Variants in MRPL44 observed in about 807,000 individuals in gnomAD.
The protein encoded by MRPL44 is large ribosomal subunit protein mL44.
In MRPL44, 21 loss-of-function variants were observed where a neutral mutation model predicts 25.9. The observed-to-expected ratio is 0.81, with a 90% CI of 0.58 to 1.17. The LOEUF is 1.17. Among genes scored for constraint, MRPL44 ranks in the 50% most tolerant of loss-of-function variants. MRPL44 has a pLI of 0.00. For missense variants in MRPL44, 410 were observed against 398.9 expected, an observed-to-expected ratio of 1.03 and a Z score of -0.24; for synonymous variants, 169 against 151.0, an observed-to-expected ratio of 1.12 and a Z score of -0.87.
At chr2:223,962,557 A>G (rs921138038) in intron 2 of MRPL44, among the ~76,000 whole-genome samples, 9 of 152,224 alleles carry the variant, frequency 5.9e-5, no homozygotes, top group Non-Finnish European at 1.3e-4. Flanking sequence ...CATAGTTTCT[A>G]TACAACATAA....
intron 2 of MRPL44, among the ~76,000 whole-genome samples, chr2:223,961,649 G>A (rs984937964): frequency 2.6e-5 from 4 of 152,168 alleles, no homozygotes; most frequent in African/African-American, 9.7e-5. Context: ...AGCGACAGCT[G>A]GAGTTGTTCT....
At chr2:223,966,407 AAT>A (rs1361001695) in intron 3 of MRPL44, among the ~76,000 whole-genome samples, 19 of 152,182 alleles carry the variant, frequency 1.2e-4, no homozygotes, top group Non-Finnish European at 2.4e-4. Context: ...TAAAAATAAA[AAT>A]AGTCATAATT....
At chr2:223,959,221 T>C (rs1477256497) in intron 1 of MRPL44, among the ~76,000 whole-genome samples, 1 of 152,206 alleles carries the variant, frequency 6.6e-6, no homozygotes, top group Non-Finnish European at 1.5e-5. Context: ...CATAGTATCA[T>C]GGTTAGAGCA....
At position 223,963,758 on chromosome 2, in the gene MRPL44, C is replaced by A; in HGVS notation, c.651C>A (p.Asp217Glu). 1.3e-6 allele frequency: 2 copies of A among 1,578,976 alleles called. No homozygotes were observed. The highest frequency in any genetic ancestry group is 1.7e-6 in the Non-Finnish European group (2 of 1,163,824). ...GPERTALFIR[D>E]FLITQMTGKE... ...ATAAATTATATTTTTATATGCAGGA[C>A]TTCTTAATTACTCAAATGACTGGAA... is the stretch of plus-strand genomic sequence containing the variant. Residue 217 changes from aspartate (D) to glutamate (E), a missense_variant and splice_region_variant, in exon 3 of 4, where the codon GAC becomes GAA. Transcript: ENST00000258383.
rs1689754263 is a variant in MRPL44 at position 223,967,100 on chromosome 2, G to A, written c.*66G>A. On this transcript the variant is annotated 3_prime_UTR_variant, in exon 4 of 4. Coordinates refer to ENST00000258383, the MANE Select transcript of MRPL44 (RefSeq NM_022915.5). ...GAGATAAATGTCAAAGGTGTTTCAA[G>A]CCAGACATTTTCACAATTGTGAAGA... 1 of 1,412,716 alleles carries A rather than the reference G, an allele frequency of 7.1e-7. No homozygotes were observed. Among genetic ancestry groups the A allele is most frequent in the Non-Finnish European group, 9.5e-7 (1 of 1,050,898 alleles). The allele number at this position is 1,412,716 out of a possible 1,614,324, so 87.5% of individuals were successfully genotyped here.
chr2:223,952,798 G>A (rs923038180), upstream of MRPL44, among the ~76,000 whole-genome samples: 21 of 152,108 alleles, frequency 1.4e-4, no homozygotes, highest in African/African-American at 5.1e-4. Context: ...TGCATTTTCT[G>A]TACATACTTT....
At chr2:223,963,543 C>A (rs1307802086) in intron 2 of MRPL44, among the ~76,000 whole-genome samples, 4 of 151,796 alleles carry the variant, frequency 2.6e-5, no homozygotes, top group African/African-American at 4.8e-5. Context: ...TTTTTTTAAT[C>A]CAACTATGAT....
chr2:223,957,482 G>A lies in MRPL44; in HGVS notation c.10G>A (p.Gly4Arg). 5 of 1,614,158 alleles carry A rather than the reference G, an allele frequency of 3.1e-6. No homozygotes were observed. The highest frequency in any genetic ancestry group is 4.2e-6 in the Non-Finnish European group (5 of 1,180,030). MAS[G>R]LVRLLQQGHR... is the part of the protein sequence containing the mutation. ...CGTTTTCTCTCGTGCAATGGCGTCC[G>A]GGCTGGTAAGATTGCTGCAGCAGGG... The change falls in exon 1 of 4, where the codon GGG (glycine) becomes AGG (arginine). Residue 4 changes from glycine to arginine, a missense_variant. Physicochemically the swap from Gly to Arg is moderately radical, Grantham distance 125. Coordinates refer to ENST00000258383, the MANE Select transcript of MRPL44 (RefSeq NM_022915.5).
rs1360369017 is a variant in MRPL44, at chr2:223,963,879, A to G, written c.772A>G (p.Thr258Ala). ...RNVSAPESRL[T>A]RQSGGTTALP... Reference sequence around the variant, plus strand: ...TGTTTCAGCTCCTGAATCAAGACTTACTAGGCAGTCTGGTGGCACCACAGC... The same window carrying G: ...TGTTTCAGCTCCTGAATCAAGACTTGCTAGGCAGTCTGGTGGCACCACAGC... The change falls in exon 3 of 4, where the codon ACT becomes GCT. Residue 258 changes from threonine to alanine, a missense_variant. Thr to Ala is a moderately conservative substitution (Grantham distance 58, BLOSUM62 0). Transcript: ENST00000258383. The G allele has an allele frequency of 1.9e-6, 3 of 1,614,022 alleles. No homozygotes were observed. In the Admixed American group the frequency reaches 5.0e-5, roughly 27 times the overall value.
Position 223,957,654 on chromosome 2 carries a change from A to G in MRPL44, c.179+3A>G. The G allele has an allele frequency of 1.2e-6, 2 of 1,604,426 alleles. No homozygotes were observed. The highest frequency in any genetic ancestry group is 8.5e-7 in the Non-Finnish European group (1 of 1,179,156). ...TGCCCGCCGCCGCCCGTGCGCCGGT[A>G]GGAGCCACCTCGGGAAGAGGTCTCA... is the stretch of plus-strand genomic sequence containing the variant. On this transcript the variant is annotated splice_donor_region_variant and intron_variant, in intron 1 of 3. Coordinates refer to ENST00000258383, the MANE Select transcript of MRPL44 (RefSeq NM_022915.5).
In MRPL44 at chr2:223,966,899, A is replaced by G. The variant is rs1322700190; in HGVS notation, c.864A>G (p.Thr288=). 3 of 1,613,934 alleles carry G rather than the reference A, an allele frequency of 1.9e-6. No homozygotes were observed. The East Asian group carries it at 6.7e-5, about 36-fold the overall frequency. Residue 288 remains threonine (T), a synonymous_variant, in exon 4 of 4, where the codon ACA becomes ACG. Coordinates refer to ENST00000258383, the MANE Select transcript of MRPL44 (RefSeq NM_022915.5). ...TGATTGCAGAAGGACCTGGGGAAAC[A>G]GTATTGGTTGCAGAAGAAGAGGCTG... ...KKLIAEGPGE[T]VLVAEEEAAR... is the part of the protein sequence containing the mutation.
rs771353096 is a variant in MRPL44 at position 223,967,048 on chromosome 2, A to G, written c.*14A>G. 1 of 1,588,432 alleles carries G rather than the reference A, an allele frequency of 6.3e-7. No homozygotes were observed. Among genetic ancestry groups the G allele is most frequent in the Non-Finnish European group, 8.6e-7 (1 of 1,166,288 alleles). On this transcript the variant is annotated 3_prime_UTR_variant, in exon 4 of 4. Coordinates refer to ENST00000258383, the MANE Select transcript of MRPL44 (RefSeq NM_022915.5). ...ACTGCCAGCTAGCCGCCATGGATGC[A>G]GCAGCCTGAAACTTGAGAGCGAAAG... is the stretch of plus-strand genomic sequence containing the variant.
upstream of MRPL44, among the ~76,000 whole-genome samples, chr2:223,956,860 C>A (rs1574792404): frequency 6.6e-6 from 1 of 152,168 alleles, no homozygotes; most frequent in Non-Finnish European, 1.5e-5. Flanking sequence ...TGTAATTCCC[C>A]TATTACCGTT....
At chr2:223,965,951 G>T (rs1179253167) in intron 3 of MRPL44, 1 of 151,322 alleles carries the variant, frequency 6.6e-6, no homozygotes, top group Middle Eastern at 3.2e-3. Context: ...TCCTGCTTTG[G>T]TCTCCCAAAG....
At chr2:223,953,470 G>A (rs551077074), upstream of MRPL44, among the ~76,000 whole-genome samples, 51 of 152,184 alleles carry the variant, frequency 3.4e-4, no homozygotes, top group African/African-American at 1.2e-3. Context: ...GCTATAATCT[G>A]GTTAACTCTA....
At chr2:223,958,253 T>A (rs539141986) in intron 1 of MRPL44, among the ~76,000 whole-genome samples, 75 of 152,364 alleles carry the variant, frequency 4.9e-4, no homozygotes, top group African/African-American at 1.8e-3. Context: ...TACAAAGATA[T>A]GTACCTCACT....
chr2:223,962,919 C>T (rs1332943509), intron 2 of MRPL44, among the ~76,000 whole-genome samples: 1 of 152,100 alleles, frequency 6.6e-6, no homozygotes, highest in Non-Finnish European at 1.5e-5. Flanking sequence ...CCAGGCTACT[C>T]TCGAACTCCT....
At position 223,967,243 on chromosome 2, in the gene MRPL44, T is replaced by A; in HGVS notation, c.*209T>A. ...CTTGGTTTGATCAAATCTTTTTTTTTTTCTCTTGAGATGGAGTCTTACTCT... is the reference window on the plus strand; with the variant it reads ...CTTGGTTTGATCAAATCTTTTTTTTATTCTCTTGAGATGGAGTCTTACTCT... On this transcript the variant is annotated 3_prime_UTR_variant, in exon 4 of 4. Transcript: ENST00000258383. 1 of 549,432 alleles carries A rather than the reference T, an allele frequency of 1.8e-6. No individual in the cohort carries two copies. The highest frequency in any genetic ancestry group is 3.1e-6 in the Non-Finnish European group (1 of 324,818). The allele number at this position is 549,432 out of a possible 1,614,324, so 34.0% of individuals were successfully genotyped here.
intron 3 of MRPL44, among the ~76,000 whole-genome samples, chr2:223,966,110 C>A (rs753178525): frequency 6.6e-6 from 1 of 152,220 alleles, no homozygotes; most frequent in South Asian, 2.1e-4. Context: ...TTGGCGGGCA[C>A]CTGTAGTCCC....
Sources: gnomAD v4.1 joint callset for allele counts (sites outside exome capture counted in the v4.1 genomes callset) on GRCh38, gnomAD v4.1.1 for gene constraint, MANE v1.5 for transcripts, NCBI Gene and HGNC (gene_info 2026-07-23, HGNC 2026-07-21) for gene names.